Variants in GPR174 observed in about 807,000 individuals in gnomAD.
The protein encoded by GPR174 is probable G protein-coupled receptor 174.
GPR174 carries 8 observed loss-of-function variants against 16.5 expected under a neutral mutation model. That is an observed-to-expected ratio of 0.48 (90% CI 0.28 to 0.87). The LOEUF (loss-of-function observed/expected upper bound fraction) is 0.87. Ranked by LOEUF, GPR174 falls within the 40% of genes least tolerant of loss-of-function variation. GPR174 has a pLI of 0.09. For missense variants in GPR174, 214 were observed against 247.5 expected (o/e 0.86, Z 0.91); for synonymous variants, 111 against 94.8 (o/e 1.17, Z -0.99).
At chrX:79,149,821 GTT>G (rs34575264) in intron 1 of GPR174, among the ~76,000 whole-genome samples, 25 of 82,173 alleles carry the variant, frequency 3.0e-4, no homozygotes, top group African/African-American at 1.0e-3. Flanking sequence ...ACCTCCCTCA[GTT>G]TTTTTTTTTT....
intron 2 of GPR174, among the ~76,000 whole-genome samples, chrX:79,165,873 GTTTAT>G (rs1921348624): frequency 9.0e-6 from 1 of 111,304 alleles, no homozygotes; most frequent in Admixed American, 9.5e-5. Flanking sequence ...TTGGACCTTA[GTTTAT>G]TTTATGTAAG....
At chrX:79,150,176 G>T (rs1053827242) in intron 1 of GPR174, among the ~76,000 whole-genome samples, 12 of 111,348 alleles carry the variant, frequency 1.1e-4, no homozygotes, top group African/African-American at 3.9e-4. Context: ...TTCCTTGACT[G>T]GGACTTGGGC....
At chrX:79,148,546 C>CTCA (rs1926544385) in intron 1 of GPR174, among the ~76,000 whole-genome samples, 1 of 111,518 alleles carries the variant, frequency 9.0e-6, no homozygotes, top group African/African-American at 3.3e-5. Context: ...GAGACAGGGT[C>CTCA]TCACCCTGTT....
At chrX:79,152,688 C>G (rs1044337272) in intron 1 of GPR174, among the ~76,000 whole-genome samples, 1 of 111,667 alleles carries the variant, frequency 9.0e-6, no homozygotes, top group Non-Finnish European at 1.9e-5. Flanking sequence ...AGGCACCAAT[C>G]ACAAGTTTGA....
intron 2 of GPR174, among the ~76,000 whole-genome samples, chrX:79,163,120 T>A (rs1178558463): frequency 9.0e-6 from 1 of 111,627 alleles, no homozygotes; most frequent in Admixed American, 9.5e-5. Context: ...TTAGGTTTTT[T>A]AGGCCATTGC....
At chrX:79,164,430 G>C (rs1921306750) in intron 2 of GPR174, among the ~76,000 whole-genome samples, 1 of 111,754 alleles carries the variant, frequency 8.9e-6, no homozygotes, top group South Asian at 3.7e-4. Flanking sequence ...TACTTAAAGA[G>C]TCCAGCCATC....
chrX:79,158,936 G>T (rs1921167276), intron 2 of GPR174, among the ~76,000 whole-genome samples: 1 of 108,810 alleles, frequency 9.2e-6, no homozygotes, highest in Non-Finnish European at 1.9e-5. Flanking sequence ...CAAGGGAATG[G>T]AAACTCCATT....
Position 79,174,685 on chromosome X carries a change from T to C in GPR174, c.*2676T>C, listed in dbSNP as rs923496798. On this transcript the variant is annotated 3_prime_UTR_variant, in exon 3 of 3. Transcript: ENST00000645147. ...TTCTCAGATGTCTGCTCACCTTCTT[T>C]TCATTTTGCCTCTCTCCTTTCCTAC... The C allele has an allele frequency of 9.0e-6, 1 of 111,394 alleles. No homozygotes were observed. Among genetic ancestry groups the C allele is most frequent in the African/African-American group, 3.3e-5 (1 of 30,624 alleles). 9.2% of individuals were successfully genotyped at this position (111,394 alleles called of 1,213,427 possible). A position where few individuals can be genotyped will look rare whatever the true frequency, so the allele number is the denominator to read the frequency against.
chrX:79,165,754 C>G (rs1255026859), intron 2 of GPR174, among the ~76,000 whole-genome samples: 2 of 110,934 alleles, frequency 1.8e-5, no homozygotes, highest in East Asian at 2.8e-4. Flanking sequence ...TTACTCCTCC[C>G]TTTTCACAGG....
intron 1 of GPR174, among the ~76,000 whole-genome samples, chrX:79,146,868 CT>C (rs1926510204): frequency 9.0e-6 from 1 of 111,295 alleles, no homozygotes; most frequent in East Asian, 2.8e-4. Flanking sequence ...CTCATAGATA[CT>C]TTAGGCACCA....
chrX:79,145,879 C>T (rs1298415315), intron 1 of GPR174, among the ~76,000 whole-genome samples: 2 of 111,464 alleles, frequency 1.8e-5, no homozygotes, highest in Non-Finnish European at 3.8e-5. Context: ...ATAACAGGCA[C>T]AGTTGCTCTG....
intron 2 of GPR174, among the ~76,000 whole-genome samples, chrX:79,169,715 A>G (rs1026068314): frequency 2.7e-5 from 3 of 111,635 alleles, no homozygotes; most frequent in East Asian, 2.8e-4. Flanking sequence ...GCTAAAATTT[A>G]CTTACCTCAG....
At chrX:79,147,190 A>T (rs1337882737) in intron 1 of GPR174, among the ~76,000 whole-genome samples, 4 of 111,286 alleles carry the variant, frequency 3.6e-5, no homozygotes, top group Non-Finnish European at 7.5e-5. Flanking sequence ...TGAGACTCGT[A>T]GAGGTGAAGT....
At chrX:79,164,512 T>A (rs1172849153) in intron 2 of GPR174, among the ~76,000 whole-genome samples, 1 of 111,360 alleles carries the variant, frequency 9.0e-6, no homozygotes, top group Non-Finnish European at 1.9e-5. Flanking sequence ...GCCAAAATGC[T>A]TGGTTTGTTT....
intron 2 of GPR174, among the ~76,000 whole-genome samples, chrX:79,162,015 T>C (rs1281507663): frequency 8.9e-6 from 1 of 112,165 alleles, no homozygotes; most frequent in Non-Finnish European, 1.9e-5. Context: ...TTGAGATTTT[T>C]AAATGAGGCA....
intron 2 of GPR174, among the ~76,000 whole-genome samples, chrX:79,162,606 A>G (rs1231370153): frequency 1.8e-5 from 2 of 112,332 alleles, no homozygotes; most frequent in Non-Finnish European, 3.8e-5. Flanking sequence ...CTGTAAACAT[A>G]CAAGGACAGA....
chrX:79,150,616 T>A (rs1361225770), intron 1 of GPR174, among the ~76,000 whole-genome samples: 2 of 111,757 alleles, frequency 1.8e-5, no homozygotes, highest in Admixed American at 9.5e-5. Flanking sequence ...ATAGAATTGA[T>A]TTGGTTTCAT....
intron 2 of GPR174, among the ~76,000 whole-genome samples, chrX:79,158,019 C>G (rs1053866825): frequency 2.8e-5 from 3 of 106,888 alleles, no homozygotes; most frequent in Non-Finnish European, 3.9e-5. Flanking sequence ...CATGTGTAAC[C>G]CAAGTATTTA....
chrX:79,151,977 A>T (rs987659845), intron 1 of GPR174, among the ~76,000 whole-genome samples: 2 of 111,850 alleles, frequency 1.8e-5, no homozygotes, highest in Non-Finnish European at 3.8e-5. Flanking sequence ...AATCATATTA[A>T]AATTTTTGCT....
Sources: allele counts gnomAD v4.1 joint callset (sites outside exome capture counted in the v4.1 genomes callset), GRCh38; gene constraint gnomAD v4.1.1; transcripts MANE v1.5; gene names NCBI Gene and HGNC (gene_info 2026-07-23, HGNC 2026-07-21).